The following LRP5 variants were observed in gnomAD, a reference collection of about 807,000 sequenced individuals.
LRP5 encodes LDL receptor related protein 5.
LRP5 carries 62 observed loss-of-function variants against 154.1 expected under a neutral mutation model. The ratio of observed to expected loss-of-function variants is 0.40; its 90% CI spans 0.33 to 0.50. The LOEUF (loss-of-function observed/expected upper bound fraction) is 0.50. LRP5 is among the 20% of genes least tolerant of loss of function. The probability of loss-of-function intolerance (pLI) is 0.55; values close to 1 mark genes in which losing one functional copy is unlikely to be tolerated. For synonymous variants in LRP5, 966 were observed against 1,011.5 expected, an observed-to-expected ratio of 0.96 and a Z score of 0.85; for missense variants, 1,915 against 2,336.7, an observed-to-expected ratio of 0.82 and a Z score of 3.72.
At chr11:68,408,776 A>T (rs1390472650) in intron 9 of LRP5, among the ~76,000 whole-genome samples, 2 of 152,050 alleles carry the variant, frequency 1.3e-5, no homozygotes, top group African/African-American at 4.8e-5. Flanking sequence ...AGCCGGGCAC[A>T]GTGGCTCATG....
intron 1 of LRP5, 114 bp downstream of exon 1, chr11:68,312,919 G>A: frequency 6.1e-6 from 3 of 490,984 alleles, no homozygotes; most frequent in Non-Finnish European, 8.0e-6. Flanking sequence ...TGGCGAGTTG[G>A]GAGCGAGTTG....
chr11:68,353,033 G>A lies in LRP5; in HGVS notation c.489-4617G>A, dbSNP rs2098620130. On this transcript the variant is annotated intron_variant, in intron 2 of 22. Transcript: ENST00000294304. The surrounding 1 kb of genome is among the most constrained non-coding windows in gnomAD (Gnocchi z 4.5). The stretch of plus-strand genomic sequence containing the variant: ...TTGGGAGGTACTTGGTGCTTGGTTG[G>A]GAGATGCTGGGCCCTTGGTTGGGAG... Among the ~76,000 whole-genome samples the A allele has an allele frequency of 6.6e-6, 1 of 152,170 alleles. No homozygotes were observed. Among genetic ancestry groups the A allele is most frequent in the South Asian group, 2.1e-4 (1 of 4,832 alleles).
Position 68,312,809 on chromosome 11 carries a change from G to A in LRP5, c.91+4G>A, listed in dbSNP as rs1188535039. 5 of 1,060,736 alleles carry A rather than the reference G, an allele frequency of 4.7e-6. No homozygotes were observed. The highest frequency in any genetic ancestry group is 5.7e-6 in the Non-Finnish European group (5 of 877,378). The allele number at this position is 1,060,736 out of a possible 1,614,324, so 65.7% of individuals were successfully genotyped here. On this transcript the variant is annotated splice_donor_region_variant and intron_variant, in intron 1 of 22. Coordinates refer to ENST00000294304, the MANE Select transcript of LRP5 (RefSeq NM_002335.4). ...GGCTGCCCGGCCCCCGCCGCGGGTA[G>A]GTGGGCGCAGGCCGGCCGGGGGCCG...
At chr11:68,425,357 CT>C (rs1299490019) in intron 15 of LRP5, 65 bp downstream of exon 15, 1 of 1,509,392 alleles carries the variant, frequency 6.6e-7, no homozygotes, top group Non-Finnish European at 8.9e-7. Context: ...ATGGCAGCAG[CT>C]GCCACATTGT....
intron 1 of LRP5, among the ~76,000 whole-genome samples, chr11:68,326,952 C>T (rs1289539616): frequency 1.3e-5 from 2 of 152,226 alleles, no homozygotes; most frequent in Non-Finnish European, 2.9e-5. Flanking sequence ...ATGTCAACAC[C>T]CAGTTGAGGA....
In LRP5 at chr11:68,373,106, T is replaced by C. The variant is rs1591243445; in HGVS notation, c.1015+7404T>C. 6.6e-5 allele frequency among the ~76,000 whole-genome samples: 10 copies of C among 151,984 alleles called. No homozygotes were observed. The South Asian group carries it at 2.1e-3, about 32-fold the overall frequency. On this transcript the variant is annotated intron_variant, in intron 5 of 22. Coordinates refer to ENST00000294304, the MANE Select transcript of LRP5 (RefSeq NM_002335.4). ...TAGCATGGCTGGAAACATCTCGAGG[T>C]TTGAAGCCAGAGCCTCAGGTGAGAC...
chr11:68,376,611 T>A (rs554639605), intron 5 of LRP5, among the ~76,000 whole-genome samples: 36 of 152,344 alleles, frequency 2.4e-4, no homozygotes, highest in African/African-American at 7.9e-4. Context: ...CCACAGAGTT[T>A]CCATGTATAC....
intron 3 of LRP5, among the ~76,000 whole-genome samples, chr11:68,359,398 T>G (rs73513038): frequency 0.024 from 3,708 of 152,238 alleles, 143 homozygotes; most frequent in African/African-American, 0.084. Context: ...GTTTGAGATT[T>G]GGAAATGTGG....
In LRP5 at chr11:68,434,504, C is replaced by T. The variant is rs543062395; in HGVS notation, c.4000+666C>T. Among the ~76,000 whole-genome samples the T allele has an allele frequency of 1.7e-3, 254 of 152,218 alleles. 1 individual carries two copies. In the Middle Eastern group the frequency reaches 0.017, roughly 10 times the overall value. ...AATCGATTCTCCTGCCTCAGCCTCC[C>T]GAGTAGCTGGGATGACAGGTGCGCA... On this transcript the variant is annotated intron_variant, in intron 18 of 22. Coordinates refer to ENST00000294304, the MANE Select transcript of LRP5 (RefSeq NM_002335.4).
intron 5 of LRP5, among the ~76,000 whole-genome samples, chr11:68,372,660 G>A (rs2098634916): frequency 6.6e-6 from 1 of 152,346 alleles, no homozygotes; most frequent in South Asian, 2.1e-4. Context: ...GGAAGGCTGT[G>A]TGGGTTGTGC....
rs1272935579 is a variant in LRP5, at chr11:68,423,795, C to T, written c.3236+98C>T. ...CCTCTCACAGGCTGGGGAGACTTTCCACCCTGGGGATCCAATGGGTGGCTT... is the reference window on the plus strand; with the variant it reads ...CCTCTCACAGGCTGGGGAGACTTTCTACCCTGGGGATCCAATGGGTGGCTT... On this transcript the variant is annotated intron_variant, in intron 14 of 22. Transcript: ENST00000294304. This position sits in a 1 kb window ranked among gnomAD's most constrained non-coding sequence, Gnocchi z 4.7. 8.2e-7 allele frequency: 1 copy of T among 1,219,862 alleles called. No individual in the cohort carries two copies. The highest frequency in any genetic ancestry group is 2.4e-5 in the East Asian group (1 of 41,266). The allele number at this position is 1,219,862 out of a possible 1,614,324, so 75.6% of individuals were successfully genotyped here. A position where few individuals can be genotyped will look rare whatever the true frequency, so the allele number is the denominator to read the frequency against.
At chr11:68,436,864 C>A in intron 18 of LRP5, 25 bp from the exon 19 acceptor site, 1 of 1,590,716 alleles carries the variant, frequency 6.3e-7, no homozygotes, top group South Asian at 1.1e-5. Flanking sequence ...TCCAGCCTCT[C>A]TGAGTGCATG....
At chr11:68,429,863 A>G (rs565237959) in intron 17 of LRP5, among the ~76,000 whole-genome samples, 163 bp downstream of exon 17, 16 of 152,340 alleles carry the variant, frequency 1.1e-4, no homozygotes, top group African/African-American at 3.8e-4. Flanking sequence ...TACTATGTGC[A>G]TTCGGTGCTA....
chr11:68,389,606 CGACATTTACCGACACT>C (rs375188261), intron 6 of LRP5, among the ~76,000 whole-genome samples: 2 of 151,676 alleles, frequency 1.3e-5, no homozygotes, highest in African/African-American at 2.4e-5. Context: ...TTACCGACAC[CGACATTTACCGACACT>C]GACATTTACT....
chr11:68,374,016 T>C (rs1287551618), intron 5 of LRP5, among the ~76,000 whole-genome samples: 1 of 152,224 alleles, frequency 6.6e-6, no homozygotes, highest in East Asian at 1.9e-4. Flanking sequence ...AGCGCCCAGA[T>C]GAGGCTGGGG....
chr11:68,386,527 G>C lies in LRP5; in HGVS notation c.1227G>C (p.Thr409=). 1 of 1,613,952 alleles carries C rather than the reference G, an allele frequency of 6.2e-7. No individual in the cohort carries two copies. The highest frequency in any genetic ancestry group is 1.3e-5 in the African/African-American group (1 of 75,040). The part of the protein sequence containing the change: ...RAYLDGSGAQ[T]LVNTEINDPD... Reference sequence around the variant, plus strand: ...ACCTGGACGGGTCTGGGGCGCAGACGCTGGTCAACACCGAGATCAACGACC... The same window carrying C: ...ACCTGGACGGGTCTGGGGCGCAGACCCTGGTCAACACCGAGATCAACGACC... Residue 409 remains threonine (T), a synonymous_variant, in exon 6 of 23, where the codon ACG becomes ACC. Coordinates refer to ENST00000294304, the MANE Select transcript of LRP5 (RefSeq NM_002335.4). This position sits in a 1 kb window ranked among gnomAD's most constrained non-coding sequence, Gnocchi z 7.9.
chr11:68,364,857 A>G (rs1350438595), intron 4 of LRP5, among the ~76,000 whole-genome samples: 2 of 152,268 alleles, frequency 1.3e-5, no homozygotes, highest in Middle Eastern at 3.4e-3. Context: ...TTGGGGCAGC[A>G]TGAGGGAGGG....
intron 1 of LRP5, among the ~76,000 whole-genome samples, chr11:68,336,238 G>C (rs1005907685): frequency 6.6e-6 from 1 of 152,184 alleles, no homozygotes; most frequent in Non-Finnish European, 1.5e-5. Context: ...AGAAGTTCTG[G>C]AGGACTGGTG....
rs1420305498 is a variant in LRP5, at chr11:68,318,680, A to G, written c.91+5875A>G. On this transcript the variant is annotated intron_variant, in intron 1 of 22. Coordinates refer to ENST00000294304, the MANE Select transcript of LRP5 (RefSeq NM_002335.4). ...TGTGGTTAAACTGAGGTGAAGGTTC[A>G]CTCAAGGAGGAAAGTGGTTTTTAGC... Among the ~76,000 whole-genome samples the G allele has an allele frequency of 2.0e-5, 3 of 152,096 alleles. No homozygotes were observed. In the South Asian group the frequency reaches 6.2e-4, roughly 32 times the overall value.
Sources: gnomAD v4.1 joint callset for allele counts (sites outside exome capture counted in the v4.1 genomes callset) on GRCh38, gnomAD v4.1.1 for gene constraint, Gnocchi (gnomAD v3.1) non-coding constraint, MANE v1.5 for transcripts, NCBI Gene and HGNC (gene_info 2026-07-23, HGNC 2026-07-21) for gene names.